PDE11A: variants seen among roughly 807,000 people sequenced by gnomAD.
The protein encoded by PDE11A is dual 3',5'-cyclic-AMP and -GMP phosphodiesterase 11A.
In PDE11A, 100 loss-of-function variants were observed where a neutral mutation model predicts 100.5. The ratio of observed to expected loss-of-function variants is 1.00; its 90% CI spans 0.85 to 1.18. PDE11A has a LOEUF of 1.18. PDE11A is among the 50% of genes most tolerant of loss of function. The pLI is 0.00. For missense variants in PDE11A, 1,141 were observed against 1,152.6 expected (o/e 0.99, Z 0.15); for synonymous variants, 381 against 420.8 (o/e 0.91, Z 1.16).
intron 2 of PDE11A, among the ~76,000 whole-genome samples, chr2:177,978,842 C>T (rs1231760162): frequency 3.5e-5 from 3 of 85,730 alleles, no homozygotes; most frequent in South Asian, 4.9e-4. Flanking sequence ...AACCAAACAC[C>T]GCATATTCTC....
chr2:177,820,444 A>G, intron 6 of PDE11A, 149 bp from the exon 7 acceptor site: 1 of 619,576 alleles, frequency 1.6e-6, no homozygotes, highest in South Asian at 2.0e-5. Context: ...GCATAAACTC[A>G]CTCACCTGCC....
intron 2 of PDE11A, among the ~76,000 whole-genome samples, chr2:178,008,560 C>T (rs2086239372): frequency 6.6e-6 from 1 of 152,166 alleles, no homozygotes; most frequent in African/African-American, 2.4e-5. Context: ...ACTTAAATAC[C>T]TTGTGCACCC....
At chr2:177,867,795 C>A (rs2084056125) in intron 5 of PDE11A, among the ~76,000 whole-genome samples, 1 of 152,182 alleles carries the variant, frequency 6.6e-6, no homozygotes, top group South Asian at 2.1e-4. Flanking sequence ...TAAACAAAAT[C>A]CTCACTCATC....
chr2:177,711,275 A>G (rs968235146), intron 13 of PDE11A, among the ~76,000 whole-genome samples: 3 of 152,176 alleles, frequency 2.0e-5, no homozygotes, highest in Non-Finnish European at 4.4e-5. Flanking sequence ...GAATGGGAGG[A>G]GCAAAAACTA....
At position 178,012,723 on chromosome 2, in the gene PDE11A, A is replaced by T. The variant is rs994402926; in HGVS notation, c.1071+1579T>A. On this transcript the variant is annotated intron_variant, in intron 2 of 19. Transcript: ENST00000286063. ...AGTCCAGAAAACAAATCTAACATAA[A>T]TGGAATCAAAGATAAGAACTAAATA... Among the ~76,000 whole-genome samples the T allele has an allele frequency of 6.0e-4, 91 of 152,212 alleles. 1 individual carries two copies. The highest frequency in any genetic ancestry group is 2.2e-4 in the Non-Finnish European group (15 of 68,032).
chr2:177,725,290 A>T (rs2081584131), intron 12 of PDE11A, among the ~76,000 whole-genome samples: 2 of 148,070 alleles, frequency 1.4e-5, no homozygotes, highest in African/African-American at 4.9e-5. Context: ...ACCAGAGTCA[A>T]GCTTGGAGAA....
chr2:177,770,738 G>T (rs191142928), intron 9 of PDE11A, among the ~76,000 whole-genome samples: 4 of 152,146 alleles, frequency 2.6e-5, no homozygotes, highest in Non-Finnish European at 5.9e-5. Flanking sequence ...CACATTGGTG[G>T]CATTTTATAA....
Position 178,072,397 on chromosome 2 carries a change from A to T in PDE11A, c.41T>A (p.Phe14Tyr), listed in dbSNP as rs201362232. The change falls in exon 1 of 20, where the codon TTC becomes TAC. Residue 14 changes from phenylalanine to tyrosine, a missense_variant. Coordinates refer to ENST00000286063, the MANE Select transcript of PDE11A (RefSeq NM_016953.4). ...AAACAACTCTGGGTGCCTGTCCAGG[A>T]AAGTTTCCACCTCCCCAAAGTCCAG... ...SRLDFGEVET[F>Y]LDRHPELFED... is the part of the protein sequence containing the mutation. The T allele has an allele frequency of 5.8e-5, 93 of 1,613,606 alleles. No individual in the cohort carries two copies. The highest frequency in any genetic ancestry group is 7.6e-5 in the Non-Finnish European group (90 of 1,180,040).
chr2:178,071,578 A>G lies in PDE11A; in HGVS notation c.860T>C (p.Ile287Thr). Reference sequence around the variant, plus strand: ...TTCTCCATGCTCCCCGACATAGCCAATGATACCTTTGCCCCAGGGGACCTG... The same window carrying G: ...TTCTCCATGCTCCCCGACATAGCCAGTGATACCTTTGCCCCAGGGGACCTG... ...EVQVPWGKGIIGYVGEHGETV... is the reference protein window; with the variant it reads ...EVQVPWGKGITGYVGEHGETV... The change falls in exon 1 of 20, where the codon ATT becomes ACT. Residue 287 changes from isoleucine to threonine, a missense_variant. Physicochemically the swap from Ile to Thr is moderately conservative, Grantham distance 89. Coordinates refer to ENST00000286063, the MANE Select transcript of PDE11A (RefSeq NM_016953.4). 1 of 1,613,638 alleles carries G rather than the reference A, an allele frequency of 6.2e-7. No individual in the cohort carries two copies. The highest frequency in any genetic ancestry group is 1.1e-5 in the South Asian group (1 of 91,062).
In PDE11A at chr2:177,746,346, T is replaced by C. The variant is rs150068392; in HGVS notation, c.1789-18174A>G. 2.2e-3 allele frequency among the ~76,000 whole-genome samples: 340 copies of C among 151,956 alleles called. 1 individual carries two copies. The highest frequency in any genetic ancestry group is 7.8e-3 in the African/African-American group (325 of 41,428). On this transcript the variant is annotated intron_variant, in intron 10 of 19. Coordinates refer to ENST00000286063, the MANE Select transcript of PDE11A (RefSeq NM_016953.4). ...GGGAAAACACAAAATACTTGGCGGA[T>C]AGATCTGGGAGGAAACGGAACAAAC...
chr2:177,840,430 T>G (rs767540539), intron 5 of PDE11A, 47 bp from the exon 6 acceptor site: 4 of 1,590,342 alleles, frequency 2.5e-6, no homozygotes, highest in Non-Finnish European at 3.4e-6. Context: ...GAAACGTAAG[T>G]TTTCTTGAAA....
intron 15 of PDE11A, among the ~76,000 whole-genome samples, chr2:177,695,673 A>T (rs2105530266): frequency 6.6e-6 from 1 of 152,266 alleles, no homozygotes; most frequent in African/African-American, 2.4e-5. Flanking sequence ...ATTTCTCCAG[A>T]GGATACATTT....
chr2:177,919,871 A>G (rs1374255041), intron 2 of PDE11A, among the ~76,000 whole-genome samples: 1 of 152,192 alleles, frequency 6.6e-6, no homozygotes, highest in Non-Finnish European at 1.5e-5. Flanking sequence ...AAGAGGAACC[A>G]ATTGTAAGGT....
intron 1 of PDE11A, among the ~76,000 whole-genome samples, chr2:178,016,788 A>G (rs1400323671): frequency 6.6e-6 from 1 of 152,196 alleles, no homozygotes; most frequent in African/African-American, 2.4e-5. Flanking sequence ...AAAAAGCTTA[A>G]TAAGTTCCAA....
chr2:177,661,932 A>G (rs114218084), intron 19 of PDE11A, among the ~76,000 whole-genome samples: 17 of 152,336 alleles, frequency 1.1e-4, no homozygotes, highest in Non-Finnish European at 2.2e-4. Flanking sequence ...ACACAACTCT[A>G]ATTTGGTGGG....
intron 2 of PDE11A, among the ~76,000 whole-genome samples, chr2:177,994,527 G>A (rs895031841): frequency 6.6e-6 from 1 of 152,150 alleles, no homozygotes; most frequent in African/African-American, 2.4e-5. Context: ...GAATGGCTGC[G>A]ACCCTGTACT....
chr2:177,653,638 AG>A (rs1278668777), intron 19 of PDE11A, among the ~76,000 whole-genome samples: 1 of 152,226 alleles, frequency 6.6e-6, no homozygotes, highest in Non-Finnish European at 1.5e-5. Context: ...CAGACACAAA[AG>A]AACGTTATGT....
At chr2:178,030,908 G>A (rs760920382) in intron 1 of PDE11A, among the ~76,000 whole-genome samples, 2 of 152,000 alleles carry the variant, frequency 1.3e-5, no homozygotes, top group Non-Finnish European at 2.9e-5. Flanking sequence ...CTTATGAATG[G>A]ATATAGATGC....
chr2:177,883,644 G>A (rs1029427552), intron 4 of PDE11A, among the ~76,000 whole-genome samples: 12 of 152,296 alleles, frequency 7.9e-5, no homozygotes, highest in South Asian at 4.1e-4. Flanking sequence ...AAATCAGTTC[G>A]TTCTGGGAGA....
Sources: gnomAD v4.1 joint callset for allele counts (sites outside exome capture counted in the v4.1 genomes callset) on GRCh38, gnomAD v4.1.1 for gene constraint, MANE v1.5 for transcripts, NCBI Gene and HGNC (gene_info 2026-07-23, HGNC 2026-07-21) for gene names.